The following PTPRT variants were observed in gnomAD, a reference collection of about 807,000 sequenced individuals.
The protein encoded by PTPRT is receptor-type tyrosine-protein phosphatase T.
In PTPRT, 56 loss-of-function variants were observed where a neutral mutation model predicts 176.8. That is an observed-to-expected ratio of 0.32 (90% confidence interval 0.26 to 0.40). PTPRT has a LOEUF of 0.40. Ranked by LOEUF, PTPRT falls within the 10% of genes least tolerant of loss-of-function variation. The probability of loss-of-function intolerance (pLI) is 1.00; values close to 1 mark genes in which losing one functional copy is unlikely to be tolerated. For missense variants in PTPRT, 1,540 were observed against 1,908.2 expected, an observed-to-expected ratio of 0.81 and a Z score of 3.60; for synonymous variants, 783 against 739.0, an observed-to-expected ratio of 1.06 and a Z score of -0.96.
intron 7 of PTPRT, among the ~76,000 whole-genome samples, chr20:42,635,621 G>C (rs1324356981): frequency 1.3e-5 from 2 of 152,060 alleles, no homozygotes; most frequent in African/African-American, 4.8e-5. Flanking sequence ...ATGCTCAGAT[G>C]ATTACATTTG....
At chr20:43,065,158 A>G (rs1008628510) in intron 1 of PTPRT, among the ~76,000 whole-genome samples, 5 of 152,338 alleles carry the variant, frequency 3.3e-5, no homozygotes, top group Admixed American at 3.3e-4. Context: ...TCAGCACAGG[A>G]TAACTGCTAC....
At chr20:42,685,373 T>G (rs1438997717) in intron 6 of PTPRT, 1 of 152,164 alleles carries the variant, frequency 6.6e-6, no homozygotes, top group East Asian at 1.9e-4. Context: ...TGATCAGTCC[T>G]ATGAGATGGT....
At chr20:42,775,454 A>C (rs1192290707) in intron 4 of PTPRT, among the ~76,000 whole-genome samples, 1 of 152,232 alleles carries the variant, frequency 6.6e-6, no homozygotes. Flanking sequence ...TGGAAAAATC[A>C]TACTGACATT....
intron 1 of PTPRT, among the ~76,000 whole-genome samples, chr20:42,953,979 C>G (rs566109246): frequency 6.6e-6 from 1 of 152,148 alleles, no homozygotes; most frequent in South Asian, 2.1e-4. Context: ...GAATCACTGC[C>G]CTGGATGGCT....
rs533818747 is a variant in PTPRT, at chr20:42,085,642, G to C, written c.3972+86C>G. 68 of 1,555,476 alleles carry C rather than the reference G, an allele frequency of 4.4e-5. No individual in the cohort carries two copies. In the African/African-American group the frequency reaches 8.7e-4, roughly 20 times the overall value. ...TCAGGAGAGCACAACACAGACTCTT[G>C]GCTGGCTCAGCGGGATCCTCTCTCG... is the stretch of plus-strand genomic sequence containing the variant. On this transcript the variant is annotated intron_variant, in intron 28 of 30. Coordinates refer to ENST00000373187, the MANE Select transcript of PTPRT (RefSeq NM_007050.6).
chr20:42,471,547 A>T (rs1432457993), intron 8 of PTPRT, among the ~76,000 whole-genome samples: 1 of 152,138 alleles, frequency 6.6e-6, no homozygotes, highest in Non-Finnish European at 1.5e-5. Context: ...AAGCTATGTC[A>T]GTGCTATGCT....
intron 1 of PTPRT, among the ~76,000 whole-genome samples, chr20:42,897,821 T>C (rs2079330484): frequency 6.6e-6 from 1 of 152,228 alleles, no homozygotes; most frequent in Admixed American, 6.5e-5. Context: ...TGCCTAACTC[T>C]TAAGGCTGTT....
chr20:42,843,445 A>G (rs1296944600), intron 2 of PTPRT, among the ~76,000 whole-genome samples: 1 of 152,202 alleles, frequency 6.6e-6, no homozygotes, highest in Non-Finnish European at 1.5e-5. Flanking sequence ...AACCCAAGCA[A>G]TGACTTCTTT....
At chr20:42,144,765 A>G (rs1294582315) in intron 17 of PTPRT, among the ~76,000 whole-genome samples, 4 of 152,138 alleles carry the variant, frequency 2.6e-5, no homozygotes, top group African/African-American at 9.7e-5. Context: ...TAACACCTTC[A>G]GTCTACACAG....
At chr20:42,364,057 G>C (rs2058480575) in intron 9 of PTPRT, among the ~76,000 whole-genome samples, 1 of 152,066 alleles carries the variant, frequency 6.6e-6, no homozygotes, top group Admixed American at 6.5e-5. Flanking sequence ...GGTGAAATGG[G>C]GTGGAAATAA....
intron 1 of PTPRT, among the ~76,000 whole-genome samples, chr20:43,098,704 T>C (rs554628322): frequency 6.6e-5 from 10 of 152,226 alleles, no homozygotes; most frequent in African/African-American, 1.9e-4. Context: ...GCAAACCAAA[T>C]TATACGTTAA....
chr20:43,174,670 T>A (rs2015084766), intron 1 of PTPRT, among the ~76,000 whole-genome samples: 1 of 152,172 alleles, frequency 6.6e-6, no homozygotes, highest in South Asian at 2.1e-4. Context: ...GAAACCTTCC[T>A]CCCAGGAAAG....
At chr20:42,531,178 G>A (rs529250152) in intron 7 of PTPRT, among the ~76,000 whole-genome samples, 1 of 152,258 alleles carries the variant, frequency 6.6e-6, no homozygotes, top group South Asian at 2.1e-4. Context: ...TTCTTCAGGG[G>A]TACTCTTTTT....
At chr20:42,163,573 T>C (rs1453974149) in intron 16 of PTPRT, among the ~76,000 whole-genome samples, 1 of 152,148 alleles carries the variant, frequency 6.6e-6, no homozygotes, top group African/African-American at 2.4e-5. Flanking sequence ...CCAAGGACTA[T>C]GGTAGGCAGT....
chr20:42,335,290 A>T (rs1338103003), intron 11 of PTPRT, among the ~76,000 whole-genome samples: 1 of 152,206 alleles, frequency 6.6e-6, no homozygotes, highest in East Asian at 1.9e-4. Context: ...AGATAGGAAG[A>T]GGATTTCATT....
chr20:42,329,605 C>T (rs2057938933), intron 11 of PTPRT, among the ~76,000 whole-genome samples: 1 of 151,556 alleles, frequency 6.6e-6, no homozygotes, highest in Admixed American at 6.6e-5. Flanking sequence ...CTTGGAGAAA[C>T]AAAAGAATAA....
rs2076820400 is a variant in PTPRT, at chr20:42,755,632, T to C, written c.859+830A>G. Among the ~76,000 whole-genome samples, 3 of 151,470 alleles carry C rather than the reference T, an allele frequency of 2.0e-5. 1 individual carries two copies. In the South Asian group the frequency reaches 6.2e-4, roughly 31 times the overall value. ...AAAGAAAAATCCATAAAGATGCTCA[T>C]ATTCTTGGCCTCCCAACTCTACCCC... On this transcript the variant is annotated intron_variant, in intron 6 of 30. Coordinates refer to ENST00000373187, the MANE Select transcript of PTPRT (RefSeq NM_007050.6).
intron 1 of PTPRT, among the ~76,000 whole-genome samples, chr20:43,007,159 T>A (rs35069072): frequency 0.23 from 35,357 of 152,080 alleles, 4,438 homozygotes; most frequent in African/African-American, 0.32. Context: ...TCATCACTTA[T>A]GTAGAAAATA....
intron 17 of PTPRT, among the ~76,000 whole-genome samples, chr20:42,156,068 C>G (rs116550949): frequency 0.027 from 4,075 of 152,256 alleles, 164 homozygotes; most frequent in African/African-American, 0.092. Context: ...GCTGTGCCCA[C>G]CCCTGTGCCA....
Sources: gnomAD v4.1 joint callset for allele counts (sites outside exome capture counted in the v4.1 genomes callset) on GRCh38, gnomAD v4.1.1 for gene constraint, MANE v1.5 for transcripts, NCBI Gene and HGNC (gene_info 2026-07-23, HGNC 2026-07-21) for gene names.